Variants in LRRC4C observed in about 807,000 individuals in gnomAD.
LRRC4C encodes the protein leucine-rich repeat-containing protein 4C.
A neutral mutation model predicts 33.6 loss-of-function variants in LRRC4C; 5 were observed. That is an observed-to-expected ratio of 0.15 (90% CI 0.08 to 0.31). The LOEUF (loss-of-function observed/expected upper bound fraction) is 0.31, where lower values mean the gene tolerates loss of function less well. Ranked by LOEUF, LRRC4C falls within the 10% of genes least tolerant of loss-of-function variation. LRRC4C has a pLI of 1.00. For missense variants in LRRC4C, 560 were observed against 796.7 expected (o/e 0.70, Z 3.58); for synonymous variants, 329 against 302.0 (o/e 1.09, Z -0.93).
chr11:40,977,942 G>C (rs1357924644), intron 1 of LRRC4C, among the ~76,000 whole-genome samples: 1 of 152,130 alleles, frequency 6.6e-6, no homozygotes. Flanking sequence ...GGAAAAAAAC[G>C]TACAGACATA....
chr11:40,491,313 G>C (rs1162249389), intron 3 of LRRC4C, among the ~76,000 whole-genome samples: 1 of 152,050 alleles, frequency 6.6e-6, no homozygotes, highest in Non-Finnish European at 1.5e-5. Context: ...AATGGGAGAA[G>C]CCATGTTGAT....
chr11:41,340,336 C>A (rs1271507412), intron 1 of LRRC4C, among the ~76,000 whole-genome samples: 3 of 152,108 alleles, frequency 2.0e-5, no homozygotes, highest in Non-Finnish European at 4.4e-5. Context: ...TTATGTATTT[C>A]AATTTTCCTT....
At chr11:40,361,173 T>A (rs1009248282) in intron 3 of LRRC4C, among the ~76,000 whole-genome samples, 1 of 152,152 alleles carries the variant, frequency 6.6e-6, no homozygotes, top group African/African-American at 2.4e-5. Context: ...GCATTCCCCT[T>A]GCAAACTGGC....
At chr11:40,378,497 G>A (rs750326083) in intron 3 of LRRC4C, among the ~76,000 whole-genome samples, 3 of 151,962 alleles carry the variant, frequency 2.0e-5, no homozygotes, top group Non-Finnish European at 4.4e-5. Context: ...AGTGTTTGGG[G>A]TGTAGATGGT....
chr11:41,342,483 G>A (rs1214548693), intron 1 of LRRC4C, among the ~76,000 whole-genome samples: 4 of 152,146 alleles, frequency 2.6e-5, no homozygotes, highest in Non-Finnish European at 5.9e-5. Flanking sequence ...GGGAGGCTGA[G>A]GGGGGTGGAC....
intron 2 of LRRC4C, among the ~76,000 whole-genome samples, chr11:40,900,759 A>T (rs1410118831): frequency 6.6e-6 from 1 of 152,026 alleles, no homozygotes. Context: ...TTTAAAATTT[A>T]CTTAGATTAT....
At chr11:41,120,759 G>A (rs1306607632) in intron 1 of LRRC4C, among the ~76,000 whole-genome samples, 1 of 152,130 alleles carries the variant, frequency 6.6e-6, no homozygotes, top group Non-Finnish European at 1.5e-5. Context: ...ATGTTGAATT[G>A]TAATTACCAA....
chr11:40,896,290 C>T (rs1955936616), intron 2 of LRRC4C, among the ~76,000 whole-genome samples: 1 of 152,108 alleles, frequency 6.6e-6, no homozygotes, highest in East Asian at 1.9e-4. Context: ...ATTGAACCAA[C>T]TATAAATAAC....
At chr11:41,346,976 C>T (rs1381472388) in intron 1 of LRRC4C, among the ~76,000 whole-genome samples, 1 of 152,120 alleles carries the variant, frequency 6.6e-6, no homozygotes, top group Non-Finnish European at 1.5e-5. Context: ...ATTTAAAATG[C>T]AGATGATTCT....
intron 2 of LRRC4C, among the ~76,000 whole-genome samples, chr11:40,702,762 A>G (rs1055419489): frequency 9.2e-5 from 14 of 151,944 alleles, no homozygotes; most frequent in African/African-American, 3.1e-4. Context: ...TACTTTCTAA[A>G]TTTGCCTCTG....
At chr11:40,648,891 G>T (rs1048464314) in intron 2 of LRRC4C, among the ~76,000 whole-genome samples, 4 of 152,104 alleles carry the variant, frequency 2.6e-5, no homozygotes, top group Non-Finnish European at 5.9e-5. Context: ...GCCTCCGGGG[G>T]TGACCTCACA....
At chr11:40,783,871 GC>G (rs1042611661) in intron 2 of LRRC4C, among the ~76,000 whole-genome samples, 3 of 152,032 alleles carry the variant, frequency 2.0e-5, no homozygotes, top group African/African-American at 7.2e-5. Context: ...TGCAAGATGA[GC>G]CCAGAATTAT....
chr11:41,402,610 A>C (rs1487702254), intron 1 of LRRC4C, among the ~76,000 whole-genome samples: 1 of 152,088 alleles, frequency 6.6e-6, no homozygotes, highest in Non-Finnish European at 1.5e-5. Flanking sequence ...TAAAGAGTTA[A>C]CTGTCAATGT....
intron 3 of LRRC4C, among the ~76,000 whole-genome samples, chr11:40,635,279 A>G: frequency 6.6e-6 from 1 of 152,154 alleles, no homozygotes; most frequent in Admixed American, 6.5e-5. Flanking sequence ...TTTAAATCTC[A>G]ATTATAATTA....
chr11:40,937,062 C>T (rs546062483), intron 1 of LRRC4C, among the ~76,000 whole-genome samples: 3 of 152,264 alleles, frequency 2.0e-5, no homozygotes, highest in African/African-American at 4.8e-5. Flanking sequence ...ATGGAATCAA[C>T]CCAGGTTTCC....
At chr11:40,607,131 C>A (rs148286646) in intron 3 of LRRC4C, among the ~76,000 whole-genome samples, 2 of 152,066 alleles carry the variant, frequency 1.3e-5, no homozygotes, top group African/African-American at 4.8e-5. Flanking sequence ...AAAATGAAGG[C>A]GAAATACGAT....
At chr11:40,735,687 C>T (rs1222576787) in intron 2 of LRRC4C, among the ~76,000 whole-genome samples, 1 of 136,956 alleles carries the variant, frequency 7.3e-6, no homozygotes, top group Non-Finnish European at 1.6e-5. Flanking sequence ...AATGGGATGG[C>T]TGGGTCAAAC....
At chr11:40,505,252 T>C (rs918027598) in intron 3 of LRRC4C, among the ~76,000 whole-genome samples, 7 of 152,180 alleles carry the variant, frequency 4.6e-5, no homozygotes, top group African/African-American at 1.7e-4. Context: ...ATGCTTTCTC[T>C]GATGCACAAA....
intron 4 of LRRC4C, among the ~76,000 whole-genome samples, chr11:40,267,260 GT>G (rs1361420069): frequency 6.6e-6 from 1 of 152,168 alleles, no homozygotes; most frequent in East Asian, 1.9e-4. Context: ...TTACTAAGTT[GT>G]AACTGAATTA....
Sources: allele counts gnomAD v4.1 joint callset (sites outside exome capture counted in the v4.1 genomes callset), GRCh38; gene constraint gnomAD v4.1.1; transcripts MANE v1.5; gene names NCBI Gene and HGNC (gene_info 2026-07-23, HGNC 2026-07-21).